LPP: variants seen among roughly 807,000 people sequenced by gnomAD.
The protein encoded by LPP is LIM domain containing preferred translocation partner in lipoma, also known as lipoma-preferred partner.
LPP carries 38 observed loss-of-function variants against 60.4 expected under a neutral mutation model. The ratio of observed to expected loss-of-function variants is 0.63; its 90% CI spans 0.49 to 0.83. The LOEUF (loss-of-function observed/expected upper bound fraction) is 0.83. Among genes scored for constraint, LPP ranks in the 40% least tolerant of loss-of-function variants. The pLI is 0.00. For missense variants in LPP, 902 were observed against 783.6 expected (o/e 1.15, Z -1.80); for synonymous variants, 328 against 290.8 (o/e 1.13, Z -1.30).
intron 2 of LPP, among the ~76,000 whole-genome samples, chr3:188,241,620 CTTTTCTTT>C (rs1282923395): frequency 3.3e-5 from 5 of 152,132 alleles, no homozygotes; most frequent in African/African-American, 1.2e-4. Context: ...CCTCTGATTT[CTTTTCTTT>C]TTTTCTTTTA....
intron 7 of LPP, among the ~76,000 whole-genome samples, chr3:188,630,264 A>C (rs1847620584): frequency 6.6e-6 from 1 of 152,206 alleles, no homozygotes; most frequent in African/African-American, 2.4e-5. Flanking sequence ...TGGAACTCAA[A>C]CAAATCAGCA....
chr3:188,237,747 C>T (rs111737497), intron 2 of LPP, among the ~76,000 whole-genome samples: 2,538 of 151,796 alleles, frequency 0.017, 63 homozygotes, highest in African/African-American at 0.056. Flanking sequence ...TGCTTTCATC[C>T]AGGCTTTGTC....
At chr3:188,302,556 G>A (rs1750240194) in intron 2 of LPP, among the ~76,000 whole-genome samples, 1 of 152,114 alleles carries the variant, frequency 6.6e-6, no homozygotes, top group African/African-American at 2.4e-5. Flanking sequence ...TGACAGAATG[G>A]GGTTTTCCTC....
intron 4 of LPP, among the ~76,000 whole-genome samples, chr3:188,410,704 G>A (rs974554253): frequency 5.3e-5 from 8 of 152,030 alleles, no homozygotes; most frequent in South Asian, 2.1e-4. Flanking sequence ...TTGTGCTTAC[G>A]AACTCATACT....
At chr3:188,873,310 T>A (rs1377632936) in intron 11 of LPP, among the ~76,000 whole-genome samples, 2 of 152,224 alleles carry the variant, frequency 1.3e-5, no homozygotes, top group Non-Finnish European at 2.9e-5. Context: ...AATTTCATTC[T>A]ATGTCAAATG....
At chr3:188,273,589 C>CTT (rs11380757) in intron 2 of LPP, among the ~76,000 whole-genome samples, 36,297 of 80,154 alleles carry the variant, frequency 0.45, 9,625 homozygotes, top group Middle Eastern at 0.67. Flanking sequence ...TATTTTATAT[C>CTT]TTTTTTTTTT....
chr3:188,514,921 A>G (rs1254872541), intron 5 of LPP, among the ~76,000 whole-genome samples: 3 of 152,232 alleles, frequency 2.0e-5, no homozygotes, highest in Admixed American at 1.3e-4. Flanking sequence ...TGTTTTGGCA[A>G]CAAAGAATGG....
chr3:188,860,130 A>G (rs1764833494), intron 9 of LPP, among the ~76,000 whole-genome samples: 1 of 151,960 alleles, frequency 6.6e-6, no homozygotes, highest in Non-Finnish European at 1.5e-5. Context: ...AAGGTTATCT[A>G]GTATAGGGTC....
chr3:188,427,620 G>A (rs1397860999), intron 4 of LPP, among the ~76,000 whole-genome samples: 1 of 152,192 alleles, frequency 6.6e-6, no homozygotes, highest in Non-Finnish European at 1.5e-5. Flanking sequence ...CAGAGAGGAG[G>A]AATCTATAGC....
intron 2 of LPP, among the ~76,000 whole-genome samples, chr3:188,311,823 G>T (rs1560232530): frequency 6.6e-6 from 1 of 151,926 alleles, no homozygotes; most frequent in Non-Finnish European, 1.5e-5. Flanking sequence ...ATTTTTAGTA[G>T]AGACAGAGTT....
rs1209092729 is a variant in LPP at position 188,394,551 on chromosome 3, AGTGT to A, written c.-9-11532_-9-11529del. Among the ~76,000 whole-genome samples, 860 of 146,984 alleles carry A rather than the reference AGTGT, an allele frequency of 5.9e-3. 9 individuals are homozygous for A. Among genetic ancestry groups the A allele is most frequent in the African/African-American group, 0.02 (784 of 39,698 alleles). On this transcript the variant is annotated intron_variant, in intron 3 of 11. Coordinates refer to ENST00000617246, the MANE Select transcript of LPP (RefSeq NM_001375462.1). ...TTGCTACTTCTTTAAAAATATCTAA[AGTGT>A]GTGTGTGTGTGTGTGTGTGTGTGTG...
chr3:188,262,138 TATACCCCGAAGGGGTTTG>T (rs1415668069), intron 2 of LPP, among the ~76,000 whole-genome samples: 1 of 152,142 alleles, frequency 6.6e-6, no homozygotes, highest in Non-Finnish European at 1.5e-5. Context: ...AGCCAGGGTA[TATACCCCGAAGGGGTTTG>T]AGGCAGTGCA....
rs71169022 is a variant in LPP, at chr3:188,828,614, CAAAAA to C, written c.1411-37564_1411-37560del. ...TGGCAACAAGAGCGAAACTCTGTCT[CAAAAA>C]AAAAAAAAAAAAAAAAAAAAACTCA... On this transcript the variant is annotated intron_variant, in intron 9 of 11. Transcript: ENST00000617246. Among the ~76,000 whole-genome samples the C allele has an allele frequency of 4.5e-3, 140 of 31,326 alleles. 3 individuals carry two copies. Among genetic ancestry groups the C allele is most frequent in the Admixed American group, 0.015 (25 of 1,650 alleles). The allele number at this position is 31,326 out of a possible 152,430, so 20.6% of individuals were successfully genotyped here. A position where few individuals can be genotyped will look rare whatever the true frequency, so the allele number is the denominator to read the frequency against.
At chr3:188,373,116 T>C (rs1773792368) in intron 3 of LPP, among the ~76,000 whole-genome samples, 1 of 152,150 alleles carries the variant, frequency 6.6e-6, no homozygotes, top group Non-Finnish European at 1.5e-5. Flanking sequence ...TTGTTGGACA[T>C]TTGGGTTGGT....
chr3:188,755,305 T>C (rs1167545916), intron 8 of LPP, among the ~76,000 whole-genome samples: 3 of 152,060 alleles, frequency 2.0e-5, no homozygotes, highest in Non-Finnish European at 4.4e-5. Context: ...AGTTTGGGAG[T>C]ATGTCATGCT....
At chr3:188,311,603 T>C (rs990436539) in intron 2 of LPP, among the ~76,000 whole-genome samples, 1 of 151,986 alleles carries the variant, frequency 6.6e-6, no homozygotes, top group Non-Finnish European at 1.5e-5. Flanking sequence ...CCTGAATTCA[T>C]CGTTCTCTTT....
intron 3 of LPP, among the ~76,000 whole-genome samples, chr3:188,397,821 C>T (rs1028449405): frequency 6.6e-6 from 1 of 152,022 alleles, no homozygotes; most frequent in Non-Finnish European, 1.5e-5. Context: ...AACATGTTGG[C>T]CATGCTGATC....
intron 4 of LPP, among the ~76,000 whole-genome samples, chr3:188,469,742 T>G (rs1014249561): frequency 2.0e-5 from 3 of 152,130 alleles, no homozygotes; most frequent in Admixed American, 6.6e-5. Flanking sequence ...GGAGCCCTGG[T>G]GTGCTAAGAG....
rs552254037 is a variant in LPP at position 188,155,603 on chromosome 3, C to G, written c.-190+1351C>G. Among the ~76,000 whole-genome samples the G allele has an allele frequency of 3.3e-5, 5 of 152,304 alleles. No individual in the cohort carries two copies. The East Asian group carries it at 9.6e-4, about 29-fold the overall frequency. ...ACGAAGGTGGGTGCTAGACCTAGAG[C>G]CTATGGTCAATAATGGTGGACAGTG... On this transcript the variant is annotated intron_variant, in intron 1 of 11. Transcript: ENST00000617246.
Sources: gnomAD v4.1 joint callset for allele counts (sites outside exome capture counted in the v4.1 genomes callset) on GRCh38, gnomAD v4.1.1 for gene constraint, MANE v1.5 for transcripts, NCBI Gene and HGNC (gene_info 2026-07-23, HGNC 2026-07-21) for gene names.